GAREM1: variants seen among roughly 807,000 people sequenced by gnomAD.
The protein encoded by GAREM1 is GRB2-associated and regulator of MAPK protein 1.
In GAREM1, 26 loss-of-function variants were observed where a neutral mutation model predicts 71.3. That is an observed-to-expected ratio of 0.36 (90% confidence interval 0.27 to 0.51). The LOEUF (loss-of-function observed/expected upper bound fraction) is 0.51, where lower values mean the gene tolerates loss of function less well. Among genes scored for constraint, GAREM1 ranks in the 20% least tolerant of loss-of-function variants. The pLI is 0.95. For missense variants in GAREM1, 1,026 were observed against 1,103.1 expected (o/e 0.93, Z 0.99); for synonymous variants, 440 against 433.2 (o/e 1.02, Z -0.20).
At position 32,370,672 on chromosome 18, in the gene GAREM1, T is replaced by C. The variant is rs565850887; in HGVS notation, c.262+22223A>G. Among the ~76,000 whole-genome samples, 5 of 152,304 alleles carry C rather than the reference T, an allele frequency of 3.3e-5. No individual in the cohort carries two copies. The South Asian group carries it at 1.0e-3, about 32-fold the overall frequency. On this transcript the variant is annotated intron_variant, in intron 2 of 5. Coordinates refer to ENST00000269209, the MANE Select transcript of GAREM1 (RefSeq NM_001242409.2). ...CCAAACTGATTGAGCACAATTCTCTTCATCTTCACCACTTAGATTGGCGAT... is the reference window on the plus strand; with the variant it reads ...CCAAACTGATTGAGCACAATTCTCTCCATCTTCACCACTTAGATTGGCGAT...
intron 2 of GAREM1, among the ~76,000 whole-genome samples, chr18:32,373,798 T>C (rs1375263858): frequency 2.0e-5 from 3 of 152,190 alleles, no homozygotes; most frequent in Admixed American, 2.0e-4. Flanking sequence ...CTACTGCCAA[T>C]GGTGTCAATG....
chr18:32,296,397 A>G (rs768201948), intron 3 of GAREM1, among the ~76,000 whole-genome samples: 1 of 152,240 alleles, frequency 6.6e-6, no homozygotes, highest in Non-Finnish European at 1.5e-5. Context: ...AGAAATTCAC[A>G]TTAGTACAAT....
At chr18:32,347,587 C>T (rs544301426) in intron 2 of GAREM1, among the ~76,000 whole-genome samples, 1 of 152,270 alleles carries the variant, frequency 6.6e-6, no homozygotes, top group East Asian at 1.9e-4. Context: ...ACTGAGGGAA[C>T]TTTCCTAAAG....
In GAREM1 at chr18:32,314,886, C is replaced by T. The variant is rs574872575; in HGVS notation, c.263-4563G>A. Among the ~76,000 whole-genome samples the T allele has an allele frequency of 2.6e-5, 4 of 152,206 alleles. No homozygotes were observed. The South Asian group carries it at 8.3e-4, about 32-fold the overall frequency. ...ACAGGTGTGAGCCACCGCGCCCTGC[C>T]AATTTTTTTGATTAAGAAATTATAG... On this transcript the variant is annotated intron_variant, in intron 2 of 5. Transcript: ENST00000269209.
rs545656120 is a variant in GAREM1 at position 32,274,166 on chromosome 18, G to T, written c.1567-3783C>A. ...ATGGCCTATTTCTCTGCATCTTAAG[G>T]GAAGAATTACATGCTATGGTGGGCT... On this transcript the variant is annotated intron_variant, in intron 4 of 5. Transcript: ENST00000269209. 3.9e-5 allele frequency among the ~76,000 whole-genome samples: 6 copies of T among 152,106 alleles called. No individual in the cohort carries two copies. In the South Asian group the frequency reaches 1.2e-3, roughly 32 times the overall value.
chr18:32,449,215 T>C (rs749633537), intron 1 of GAREM1, among the ~76,000 whole-genome samples: 2 of 152,148 alleles, frequency 1.3e-5, no homozygotes, highest in Admixed American at 6.5e-5. Flanking sequence ...GCACCATAAT[T>C]AGTCCTCAAT....
Position 32,267,277 on chromosome 18 carries a change from A to C in GAREM1, c.*594T>G, listed in dbSNP as rs2041386328. On this transcript the variant is annotated 3_prime_UTR_variant, in exon 6 of 6. Coordinates refer to ENST00000269209, the MANE Select transcript of GAREM1 (RefSeq NM_001242409.2). ...TGTGGTCATGATTTGTGTGATTTCT[A>C]AGGACAACATATATCCCTTTATCAA... 1 of 152,216 alleles carries C rather than the reference A, an allele frequency of 6.6e-6. No individual in the cohort carries two copies. Among genetic ancestry groups the C allele is most frequent in the African/African-American group, 2.4e-5 (1 of 41,460 alleles). The allele number at this position is 152,216 out of a possible 1,614,324, so 9.4% of individuals were successfully genotyped here.
At position 32,287,533 on chromosome 18, in the gene GAREM1, T is replaced by C. The variant is rs1020968458; in HGVS notation, c.1064A>G (p.Lys355Arg). 1 of 1,614,190 alleles carries C rather than the reference T, an allele frequency of 6.2e-7. No homozygotes were observed. Among genetic ancestry groups the C allele is most frequent in the Non-Finnish European group, 8.5e-7 (1 of 1,180,014 alleles). ...DVKTDWNEEC[K>R]SPKKGRCSGH... is the part of the protein sequence containing the mutation. ...AGAGCACCGACCCTTCTTGGGGCTC[T>C]TGCATTCTTCATTCCAGTCGGTTTT... The change falls in exon 4 of 6, where the codon AAG (lysine) becomes AGG (arginine). Residue 355 changes from lysine to arginine, a missense_variant. Coordinates refer to ENST00000269209, the MANE Select transcript of GAREM1 (RefSeq NM_001242409.2). The surrounding 1 kb of genome is among the most constrained non-coding windows in gnomAD (Gnocchi z 5.9).
intron 4 of GAREM1, among the ~76,000 whole-genome samples, chr18:32,282,897 G>A (rs2046969224): frequency 6.6e-6 from 1 of 152,124 alleles, no homozygotes; most frequent in Non-Finnish European, 1.5e-5. Context: ...AGTACATCTG[G>A]GTAAATATTT....
intron 2 of GAREM1, among the ~76,000 whole-genome samples, chr18:32,324,627 C>A (rs917481570): frequency 1.3e-5 from 2 of 152,216 alleles, no homozygotes; most frequent in Admixed American, 6.5e-5. Flanking sequence ...AATTCTAACA[C>A]CCACGCCAGC....
At chr18:32,285,125 C>T (rs1265511132) in intron 4 of GAREM1, among the ~76,000 whole-genome samples, 1 of 152,126 alleles carries the variant, frequency 6.6e-6, no homozygotes, top group Non-Finnish European at 1.5e-5. Flanking sequence ...GCCAAGGACC[C>T]CGGCTCCACC....
In GAREM1 at chr18:32,295,611, C is replaced by T. The variant is rs950809254; in HGVS notation, c.394-7408G>A. ...GCAACCTTTGTAAATAATTTCTTAC[C>T]TTCTATTCTAGGTGATCTCTGTATA... On this transcript the variant is annotated intron_variant, in intron 3 of 5. Transcript: ENST00000269209. Among the ~76,000 whole-genome samples the T allele has an allele frequency of 2.6e-5, 4 of 152,188 alleles. No homozygotes were observed. In the South Asian group the frequency reaches 8.3e-4, roughly 32 times the overall value.
At chr18:32,462,788 T>C (rs1476398179) in intron 1 of GAREM1, among the ~76,000 whole-genome samples, 2 of 152,324 alleles carry the variant, frequency 1.3e-5, no homozygotes, top group East Asian at 1.9e-4. Context: ...TTGATTTTTA[T>C]ATATGGCATT....
chr18:32,316,191 A>G (rs1364783717), intron 2 of GAREM1, among the ~76,000 whole-genome samples: 1 of 152,240 alleles, frequency 6.6e-6, no homozygotes, highest in East Asian at 1.9e-4. Context: ...AGATAAGAGA[A>G]CAAGGAAAAA....
chr18:32,469,082 T>C (rs2049025786), intron 1 of GAREM1, among the ~76,000 whole-genome samples: 1 of 150,840 alleles, frequency 6.6e-6, no homozygotes, highest in Non-Finnish European at 1.5e-5. Context: ...CAAACGAGGA[T>C]AGCAAGCAAG....
rs1296501977 is a variant in GAREM1 at position 32,268,256 on chromosome 18, T to A, written c.2246A>T (p.Asp749Val). 1 of 1,613,962 alleles carries A rather than the reference T, an allele frequency of 6.2e-7. No homozygotes were observed. The highest frequency in any genetic ancestry group is 8.5e-7 in the Non-Finnish European group (1 of 1,180,020). ...AGACTTGGGGTCTTCCTCAGCACCATCAATTTTCAGAGGCAAAGGAGATGT... is the reference window on the plus strand; with the variant it reads ...AGACTTGGGGTCTTCCTCAGCACCAACAATTTTCAGAGGCAAAGGAGATGT... Reference protein sequence around the residue: ...SETSPLPLKIDGAEEDPKSGS... With the variant: ...SETSPLPLKIVGAEEDPKSGS... The change falls in exon 6 of 6, where the codon GAT (aspartate) becomes GTT (valine). Residue 749 changes from aspartate (D) to valine (V), a missense_variant. Asp to Val is a radical substitution (Grantham distance 152). Transcript: ENST00000269209.
chr18:32,364,026 A>ATATTTTTTTTTTTTTTTTTTTTTTTTTT, intron 2 of GAREM1, among the ~76,000 whole-genome samples: 1 of 46,400 alleles, frequency 2.2e-5, no homozygotes, highest in South Asian at 8.3e-4. Context: ...ATATATATAT[A>ATATTTTTTTTTTTTTTTTTTTTTTTTTT]TGTTTTTTTT....
At chr18:32,397,761 G>C (rs2048272022) in intron 1 of GAREM1, among the ~76,000 whole-genome samples, 2 of 152,104 alleles carry the variant, frequency 1.3e-5, no homozygotes, top group African/African-American at 4.8e-5. Flanking sequence ...AAGTTAACAA[G>C]GATATCCAGG....
At chr18:32,306,340 C>G (rs1478731851) in intron 3 of GAREM1, among the ~76,000 whole-genome samples, 1 of 152,158 alleles carries the variant, frequency 6.6e-6, no homozygotes, top group Non-Finnish European at 1.5e-5. Flanking sequence ...GTCCTCAGAG[C>G]TCTTCTCCTT....
Sources: allele counts gnomAD v4.1 joint callset (sites outside exome capture counted in the v4.1 genomes callset), GRCh38; gene constraint gnomAD v4.1.1; non-coding constraint Gnocchi (gnomAD v3.1); transcripts MANE v1.5; gene names NCBI Gene and HGNC (gene_info 2026-07-23, HGNC 2026-07-21).